The following PADI3 variants were observed in gnomAD, a reference collection of about 807,000 sequenced individuals.
The protein encoded by PADI3 is protein-arginine deiminase type-3.
PADI3 carries 53 observed loss-of-function variants against 71.5 expected under a neutral mutation model. The ratio of observed to expected loss-of-function variants is 0.74; its 90% CI spans 0.59 to 0.93. The LOEUF is 0.93. PADI3 is among the 40% of genes least tolerant of loss of function. PADI3 has a pLI of 0.00. For missense variants in PADI3, 821 were observed against 868.0 expected, an observed-to-expected ratio of 0.95 and a Z score of 0.68; for synonymous variants, 361 against 347.5, an observed-to-expected ratio of 1.04 and a Z score of -0.43.
rs2073423883 is a variant in PADI3 at position 17,283,253 on chromosome 1, G to A, written c.*174G>A. The A allele has an allele frequency of 5.1e-6, 3 of 590,292 alleles. No individual in the cohort carries two copies. The highest frequency in any genetic ancestry group is 6.1e-5 in the Admixed American group (2 of 32,586). The allele number at this position is 590,292 out of a possible 1,614,324, so 36.6% of individuals were successfully genotyped here. ...CCCTGGAAGTGTCCATGCCTCACCT[G>A]CAACCCATGTGGTTCTCAGACTTGA... On this transcript the variant is annotated 3_prime_UTR_variant, in exon 16 of 16. Transcript: ENST00000375460.
At position 17,270,880 on chromosome 1, in the gene PADI3, A is replaced by T; in HGVS notation, c.833A>T (p.Asp278Val). ...HVTLLDDSNE[D>V]FSASPIFTDT... ...TTCTCCCCTGGTCTGCCCCTGCAGG[A>T]TTTCTCGGCATCCCCTATCTTCACT... Residue 278 changes from aspartate to valine, a missense_variant and splice_region_variant, in exon 8 of 16, where the codon GAT becomes GTT. Coordinates refer to ENST00000375460, the MANE Select transcript of PADI3 (RefSeq NM_016233.2). 6.2e-7 allele frequency: 1 copy of T among 1,613,484 alleles called. No individual in the cohort carries two copies. Among genetic ancestry groups the T allele is most frequent in the Non-Finnish European group, 8.5e-7 (1 of 1,179,562 alleles).
In PADI3 at chr1:17,281,850, C is replaced by T. The variant is rs147767112; in HGVS notation, c.1762-996C>T. On this transcript the variant is annotated intron_variant, in intron 15 of 15. Transcript: ENST00000375460. ...CAGGTCTAAAGCACGGCCCGAGGCACTGCTGCCGCGCTAACAAACACCCAG... is the reference window on the plus strand; with the variant it reads ...CAGGTCTAAAGCACGGCCCGAGGCATTGCTGCCGCGCTAACAAACACCCAG... Among the ~76,000 whole-genome samples, 514 of 152,336 alleles carry T rather than the reference C, an allele frequency of 3.4e-3. 3 individuals are homozygous for T. Among genetic ancestry groups the T allele is most frequent in the African/African-American group, 0.012 (491 of 41,582 alleles).
In PADI3 at chr1:17,262,157, C is replaced by CT. The variant is rs2073110163; in HGVS notation, c.298_299insT (p.His100LeufsTer2). The CT allele has an allele frequency of 6.2e-7, 1 of 1,613,582 alleles. No individual in the cohort carries two copies. Among genetic ancestry groups the CT allele is most frequent in the African/African-American group, 1.3e-5 (1 of 74,870 alleles). On this transcript the variant is annotated frameshift_variant, in exon 3 of 16. Transcript: ENST00000375460. LOFTEE classifies it high-confidence loss of function. ...GGTTCAGATTTCCTACCACTCCAGC[C>CT]ATGAGCCTCTGCCCCTGGCCTATGC... is the stretch of plus-strand genomic sequence containing the variant.
At chr1:17,263,828 C>T (rs2073131295) in intron 3 of PADI3, among the ~76,000 whole-genome samples, 1 of 152,136 alleles carries the variant, frequency 6.6e-6, no homozygotes, top group African/African-American at 2.4e-5. Flanking sequence ...AAACAATTCA[C>T]AGAAGAGAAA....
chr1:17,281,492 C>T (rs960366341), intron 15 of PADI3, among the ~76,000 whole-genome samples: 1 of 147,382 alleles, frequency 6.8e-6, no homozygotes, highest in African/African-American at 2.5e-5. Flanking sequence ...GTTGCCCAGG[C>T]TGGAGGGCAG....
intron 1 of PADI3, among the ~76,000 whole-genome samples, chr1:17,256,239 A>G (rs1463869595): frequency 6.6e-6 from 1 of 152,090 alleles, no homozygotes; most frequent in African/African-American, 2.4e-5. Flanking sequence ...TTTCCTGTCT[A>G]TTATCACACT....
chr1:17,262,910 TTTTG>T (rs71575819), intron 3 of PADI3, among the ~76,000 whole-genome samples: 6 of 151,894 alleles, frequency 4.0e-5, no homozygotes, highest in Admixed American at 6.6e-5. Flanking sequence ...AACGTGGCTT[TTTTG>T]TTTGTTTGTT....
chr1:17,263,750 A>G (rs540778935), intron 3 of PADI3, among the ~76,000 whole-genome samples: 2 of 152,346 alleles, frequency 1.3e-5, no homozygotes, highest in African/African-American at 4.8e-5. Context: ...CTTGGTGCAT[A>G]TAGAATATGA....
intron 1 of PADI3, among the ~76,000 whole-genome samples, chr1:17,257,343 T>A (rs959902927): frequency 2.6e-5 from 4 of 152,234 alleles, no homozygotes; most frequent in Non-Finnish European, 4.4e-5. Context: ...ATTACAGGCT[T>A]TGGGAGTAGG....
chr1:17,266,848 G>A lies in PADI3; in HGVS notation c.526+12G>A, dbSNP rs2100577593. The A allele has an allele frequency of 3.8e-6, 6 of 1,594,496 alleles. No homozygotes were observed. The East Asian group carries it at 6.7e-5, about 18-fold the overall frequency. On this transcript the variant is annotated intron_variant, in intron 5 of 15. Coordinates refer to ENST00000375460, the MANE Select transcript of PADI3 (RefSeq NM_016233.2). The stretch of plus-strand genomic sequence containing the variant: ...GCACTGCCTGCAAGGTGAGGCCGGG[G>A]CAGCCTGAGTCCCTGGGTGTCCAGG...
chr1:17,251,590 A>G (rs142221754), intron 1 of PADI3, among the ~76,000 whole-genome samples: 3 of 152,342 alleles, frequency 2.0e-5, no homozygotes, highest in Non-Finnish European at 2.9e-5. Flanking sequence ...CATTTTATAG[A>G]TAAGAAAACA....
At chr1:17,254,314 G>T (rs559771240) in intron 1 of PADI3, among the ~76,000 whole-genome samples, 1 of 152,152 alleles carries the variant, frequency 6.6e-6, no homozygotes, top group South Asian at 2.1e-4. Context: ...TGGAGACCTC[G>T]TTGGTCATCT....
intron 11 of PADI3, among the ~76,000 whole-genome samples, chr1:17,275,179 T>C (rs2073311535): frequency 6.6e-6 from 1 of 151,854 alleles, no homozygotes; most frequent in Non-Finnish European, 1.5e-5. Flanking sequence ...GTTCATGCCG[T>C]AATCCCAGCA....
chr1:17,262,202 G>A lies in PADI3; in HGVS notation c.343G>A (p.Val115Ile). Residue 115 changes from valine to isoleucine, a missense_variant, in exon 3 of 16, where the codon GTT (valine) becomes ATT (isoleucine). Physicochemically the swap from Val to Ile is conservative, Grantham distance 29. Coordinates refer to ENST00000375460, the MANE Select transcript of PADI3 (RefSeq NM_016233.2). ...CTATGCGGTGCTCTACCTCACCTGT[G>A]TTGGTAAGTTGGGGGCCATGTTGAT... ...LAYAVLYLTC[V>I]DISLDCDLNC... 6.2e-7 allele frequency: 1 copy of A among 1,606,828 alleles called. No homozygotes were observed. The highest frequency in any genetic ancestry group is 8.5e-7 in the Non-Finnish European group (1 of 1,177,398).
rs139047626 is a variant in PADI3 at position 17,252,023 on chromosome 1, T to C, written c.92+2794T>C. On this transcript the variant is annotated intron_variant, in intron 1 of 15. Coordinates refer to ENST00000375460, the MANE Select transcript of PADI3 (RefSeq NM_016233.2). ...CAAGTCTGTTGGGCCTCTCTATCTG[T>C]GGCAGTGGATTCAACTTTATCTTCT... is the stretch of plus-strand genomic sequence containing the variant. 2.7e-3 allele frequency among the ~76,000 whole-genome samples: 406 copies of C among 152,350 alleles called. 2 individuals carry two copies. Among genetic ancestry groups the C allele is most frequent in the Middle Eastern group, 0.01 (3 of 294 alleles).
intron 9 of PADI3, among the ~76,000 whole-genome samples, chr1:17,272,548 C>G (rs1404649710): frequency 6.6e-6 from 1 of 152,056 alleles, no homozygotes; most frequent in Non-Finnish European, 1.5e-5. Context: ...CTCTGTCACC[C>G]TGGTTGGAGT....
At chr1:17,267,800 C>T in intron 5 of PADI3, 37 bp from the exon 6 acceptor site, 1 of 1,608,804 alleles carries the variant, frequency 6.2e-7, no homozygotes. Flanking sequence ...GGGGCCAGGA[C>T]TCCCTTGAGT....
chr1:17,265,158 A>C (rs1302341786), intron 3 of PADI3, among the ~76,000 whole-genome samples: 3 of 152,062 alleles, frequency 2.0e-5, no homozygotes, highest in Non-Finnish European at 4.4e-5. Flanking sequence ...TGCATTATGA[A>C]ATCTCACCCA....
chr1:17,254,471 G>A (rs58321608), intron 1 of PADI3, among the ~76,000 whole-genome samples: 1 of 152,214 alleles, frequency 6.6e-6, no homozygotes, highest in East Asian at 1.9e-4. Flanking sequence ...TGGGGACAGA[G>A]CTGGCCATGA....
Sources: allele counts gnomAD v4.1 joint callset (sites outside exome capture counted in the v4.1 genomes callset), GRCh38; gene constraint gnomAD v4.1.1; transcripts MANE v1.5; gene names NCBI Gene and HGNC (gene_info 2026-07-23, HGNC 2026-07-21).